Variants in CNTNAP2 observed in about 807,000 individuals in gnomAD.
CNTNAP2 encodes contactin-associated protein-like 2.
Under a neutral mutation model 155.2 loss-of-function variants are expected in CNTNAP2, and 98 were observed. The ratio of observed to expected loss-of-function variants is 0.63; its 90% confidence interval spans 0.54 to 0.75. The LOEUF is 0.75. CNTNAP2 is among the 30% of genes least tolerant of loss of function. The pLI is 0.00. For missense variants in CNTNAP2, 1,727 were observed against 1,688.1 expected (o/e 1.02, Z -0.40); for synonymous variants, 651 against 631.2 (o/e 1.03, Z -0.47).
At position 147,801,996 on chromosome 7, in the gene CNTNAP2, G is replaced by A. The variant is rs571187339; in HGVS notation, c.2099-101569G>A. Among the ~76,000 whole-genome samples the A allele has an allele frequency of 4.0e-3, 599 of 149,992 alleles. 4 individuals carry two copies. Among genetic ancestry groups the A allele is most frequent in the Non-Finnish European group, 6.8e-3 (456 of 67,442 alleles). ...CTCCCGGACGGGGTGGCTGCCGGGC[G>A]GAGACGCTCCTCACTTCCCGGACAG... is the stretch of plus-strand genomic sequence containing the variant. On this transcript the variant is annotated intron_variant, in intron 13 of 23. Transcript: ENST00000361727.
chr7:147,414,798 G>T (rs546413065), intron 10 of CNTNAP2, among the ~76,000 whole-genome samples: 1 of 151,796 alleles, frequency 6.6e-6, no homozygotes, highest in African/African-American at 2.4e-5. Flanking sequence ...AAAATTAGCT[G>T]GGCGAGGTGG....
intron 20 of CNTNAP2, among the ~76,000 whole-genome samples, chr7:148,238,665 A>G (rs927288184): frequency 1.3e-5 from 2 of 152,214 alleles, no homozygotes; most frequent in East Asian, 3.8e-4. Flanking sequence ...ACAAGGTCCA[A>G]CGTTAAGGCT....
intron 2 of CNTNAP2, among the ~76,000 whole-genome samples, chr7:146,830,641 C>A (rs1016268258): frequency 1.3e-5 from 2 of 151,974 alleles, no homozygotes; most frequent in African/African-American, 4.8e-5. Flanking sequence ...ATTGATAATG[C>A]GTTTCTTCAA....
intron 3 of CNTNAP2, among the ~76,000 whole-genome samples, chr7:146,947,580 T>C (rs954138081): frequency 0.034 from 1,785 of 53,212 alleles, 48 homozygotes; most frequent in African/African-American, 0.079. Flanking sequence ...TATATACATA[T>C]ATATATATAT....
At chr7:148,402,165 T>C (rs1412934755) in intron 22 of CNTNAP2, among the ~76,000 whole-genome samples, 1 of 139,994 alleles carries the variant, frequency 7.1e-6, no homozygotes, top group Non-Finnish European at 1.7e-5. Context: ...CTCGACCTCT[T>C]TTGGTCACTG....
intron 16 of CNTNAP2, among the ~76,000 whole-genome samples, chr7:148,142,424 A>G (rs1805094148): frequency 6.6e-6 from 1 of 152,150 alleles, no homozygotes; most frequent in Non-Finnish European, 1.5e-5. Flanking sequence ...AAAGATATTG[A>G]TAACACTGTT....
At chr7:147,107,554 C>T (rs965571600) in intron 4 of CNTNAP2, among the ~76,000 whole-genome samples, 3 of 151,988 alleles carry the variant, frequency 2.0e-5, no homozygotes, top group Non-Finnish European at 4.4e-5. Context: ...AAATTTGAGA[C>T]ACACTGCTTC....
chr7:146,580,056 G>A (rs1423970675), intron 1 of CNTNAP2, among the ~76,000 whole-genome samples: 1 of 151,990 alleles, frequency 6.6e-6, no homozygotes, highest in Non-Finnish European at 1.5e-5. Context: ...TATTTCCTAT[G>A]CTTAAGGCAT....
At chr7:148,255,137 T>C (rs1796435909) in intron 20 of CNTNAP2, among the ~76,000 whole-genome samples, 1 of 152,204 alleles carries the variant, frequency 6.6e-6, no homozygotes, top group African/African-American at 2.4e-5. Context: ...CAAAGAAATT[T>C]GAAATTTCTA....
chr7:147,897,436 C>T (rs1430471457), intron 13 of CNTNAP2, among the ~76,000 whole-genome samples: 5 of 152,166 alleles, frequency 3.3e-5, no homozygotes, highest in Non-Finnish European at 7.3e-5. Flanking sequence ...TCTTCTCCTC[C>T]ACCAAGAGTG....
At chr7:146,765,725 G>A (rs1288468329) in intron 1 of CNTNAP2, among the ~76,000 whole-genome samples, 2 of 152,194 alleles carry the variant, frequency 1.3e-5, no homozygotes. Flanking sequence ...CAGTGTGATA[G>A]AATAGTAAGC....
At chr7:148,121,912 C>T (rs1431487000) in intron 16 of CNTNAP2, among the ~76,000 whole-genome samples, 2 of 152,088 alleles carry the variant, frequency 1.3e-5, no homozygotes, top group Admixed American at 6.5e-5. Context: ...TCTACTATGT[C>T]CCAGGTACAG....
intron 1 of CNTNAP2, among the ~76,000 whole-genome samples, chr7:146,387,256 C>T (rs185052924): frequency 6.6e-6 from 1 of 152,272 alleles, no homozygotes; most frequent in Admixed American, 6.5e-5. Context: ...AGCACCTGCA[C>T]TGGAGGTCAT....
rs191054464 is a variant in CNTNAP2, at chr7:147,319,686, T to C, written c.1498+19396T>C. ...AGCCGTGACACCCAGAAATGAGTAA[T>C]GTTAAATATAGGATTTCTATATTGA... On this transcript the variant is annotated intron_variant, in intron 9 of 23. Transcript: ENST00000361727. Among the ~76,000 whole-genome samples, 3 of 152,236 alleles carry C rather than the reference T, an allele frequency of 2.0e-5. No individual in the cohort carries two copies. In the East Asian group the frequency reaches 5.8e-4, roughly 29 times the overall value.
intron 1 of CNTNAP2, among the ~76,000 whole-genome samples, chr7:146,771,875 T>C (rs1423403066): frequency 6.6e-6 from 1 of 152,148 alleles, no homozygotes. Flanking sequence ...TAGAGAAACA[T>C]TTTCTGTTTT....
chr7:147,199,333 T>A (rs1194141718), intron 8 of CNTNAP2, among the ~76,000 whole-genome samples: 1 of 152,166 alleles, frequency 6.6e-6, no homozygotes, highest in African/African-American at 2.4e-5. Context: ...TAAGGGCTAT[T>A]AATTGAATAA....
At chr7:148,330,113 G>GTGGATGGATGAAA (rs1563044446) in intron 21 of CNTNAP2, among the ~76,000 whole-genome samples, 2 of 147,798 alleles carry the variant, frequency 1.4e-5, no homozygotes, top group African/African-American at 5.0e-5. Flanking sequence ...GATAGATGGA[G>GTGGATGGATGAAA]TGGATGGATG....
chr7:147,115,238 G>A (rs1198149658), intron 5 of CNTNAP2, among the ~76,000 whole-genome samples: 1 of 152,110 alleles, frequency 6.6e-6, no homozygotes, highest in Non-Finnish European at 1.5e-5. Flanking sequence ...TTTCTCTCTG[G>A]CTGCCTTTAA....
intron 4 of CNTNAP2, among the ~76,000 whole-genome samples, chr7:147,053,619 G>A (rs1467456272): frequency 2.0e-5 from 3 of 152,002 alleles, no homozygotes; most frequent in Middle Eastern, 3.2e-3. Flanking sequence ...AAAATTTCTG[G>A]CAGAGAGTAA....
Sources: gnomAD v4.1 joint callset for allele counts (sites outside exome capture counted in the v4.1 genomes callset) on GRCh38, gnomAD v4.1.1 for gene constraint, MANE v1.5 for transcripts, NCBI Gene and HGNC (gene_info 2026-07-23, HGNC 2026-07-21) for gene names.